MAGI2: variants seen among roughly 807,000 people sequenced by gnomAD.
The protein encoded by MAGI2 is membrane-associated guanylate kinase, WW and PDZ domain-containing protein 2.
A neutral mutation model predicts 133.3 loss-of-function variants in MAGI2; 35 were observed. The observed-to-expected ratio is 0.26, with a 90% CI of 0.20 to 0.35. The LOEUF (loss-of-function observed/expected upper bound fraction) is 0.35. MAGI2 is among the 10% of genes least tolerant of loss of function. The pLI, the probability that MAGI2 is intolerant of heterozygous loss-of-function variation, is 1.00. For synonymous variants in MAGI2, 729 were observed against 710.6 expected, an observed-to-expected ratio of 1.03 and a Z score of -0.41; for missense variants, 1,636 against 1,863.4, an observed-to-expected ratio of 0.88 and a Z score of 2.25.
At chr7:78,060,832 T>G (rs1261844665) in intron 21 of MAGI2, among the ~76,000 whole-genome samples, 1 of 151,944 alleles carries the variant, frequency 6.6e-6, no homozygotes, top group Non-Finnish European at 1.5e-5. Context: ...TGAGAGTGAA[T>G]AGCAGGATGG....
chr7:79,344,612 A>G (rs1414338486), intron 1 of MAGI2, among the ~76,000 whole-genome samples: 1 of 152,204 alleles, frequency 6.6e-6, no homozygotes, highest in African/African-American at 2.4e-5. Context: ...TTCAGAAGAC[A>G]GTGAGTACCT....
Position 78,125,899 on chromosome 7 carries a change from C to T in MAGI2, c.3424-62G>A, listed in dbSNP as rs532298011. ...TTAGTTATCAGAGAAGCTTCTGTGGCTAGTCTCTGTGTTCTCCTTCTGTCT... is the reference window on the plus strand; with the variant it reads ...TTAGTTATCAGAGAAGCTTCTGTGGTTAGTCTCTGTGTTCTCCTTCTGTCT... On this transcript the variant is annotated intron_variant, in intron 19 of 21. Transcript: ENST00000354212. 42 of 1,509,050 alleles carry T rather than the reference C, an allele frequency of 2.8e-5. No individual in the cohort carries two copies. The East Asian group carries it at 7.0e-4, about 25-fold the overall frequency. The allele number at this position is 1,509,050 out of a possible 1,614,324, so 93.5% of individuals were successfully genotyped here.
chr7:78,705,739 T>C (rs1818576725), intron 2 of MAGI2, among the ~76,000 whole-genome samples: 2 of 152,138 alleles, frequency 1.3e-5, no homozygotes, highest in Admixed American at 6.6e-5. Context: ...TAATTTTATA[T>C]TTTTCCTATG....
At chr7:78,734,909 G>T (rs147468102) in intron 2 of MAGI2, among the ~76,000 whole-genome samples, 6 of 152,268 alleles carry the variant, frequency 3.9e-5, no homozygotes, top group African/African-American at 1.4e-4. Context: ...ACACATATGA[G>T]AAACAAATGT....
At chr7:78,934,716 A>C (rs1800391557) in intron 2 of MAGI2, among the ~76,000 whole-genome samples, 1 of 152,128 alleles carries the variant, frequency 6.6e-6, no homozygotes. Context: ...AAGATATCTC[A>C]CTATGTGCAT....
intron 1 of MAGI2, among the ~76,000 whole-genome samples, chr7:79,238,673 A>G (rs1176116108): frequency 1.3e-5 from 2 of 152,170 alleles, no homozygotes; most frequent in Non-Finnish European, 2.9e-5. Flanking sequence ...GTCACTATTT[A>G]CAAAGTTTCT....
At chr7:78,742,615 TTGAA>T (rs1314319889) in intron 2 of MAGI2, among the ~76,000 whole-genome samples, 1 of 152,198 alleles carries the variant, frequency 6.6e-6, no homozygotes, top group Non-Finnish European at 1.5e-5. Flanking sequence ...TACTCAAAGC[TTGAA>T]TGAAGATGTA....
rs563849324 is a variant in MAGI2 at position 78,834,916 on chromosome 7, C to T, written c.418+172174G>A. 2.0e-5 allele frequency among the ~76,000 whole-genome samples: 3 copies of T among 152,254 alleles called. No homozygotes were observed. The South Asian group carries it at 6.2e-4, about 32-fold the overall frequency. On this transcript the variant is annotated intron_variant, in intron 2 of 21. Transcript: ENST00000354212. ...TTCACCGTGTGAGATGCCTGCTCCACTTCACCTTCTGGCATGCCTGAAAGC... is the reference window on the plus strand; with the variant it reads ...TTCACCGTGTGAGATGCCTGCTCCATTTCACCTTCTGGCATGCCTGAAAGC...
chr7:78,851,151 A>G (rs551959072), intron 2 of MAGI2, among the ~76,000 whole-genome samples: 1 of 152,206 alleles, frequency 6.6e-6, no homozygotes, highest in South Asian at 2.1e-4. Flanking sequence ...ATTGAGCAAA[A>G]CTAGAAATAA....
intron 2 of MAGI2, among the ~76,000 whole-genome samples, chr7:78,834,057 G>A (rs1791415136): frequency 6.6e-6 from 1 of 152,048 alleles, no homozygotes; most frequent in Non-Finnish European, 1.5e-5. Context: ...AGAGTGCAGT[G>A]GTGTAATCAT....
chr7:78,498,291 T>C (rs1372037999), intron 5 of MAGI2, among the ~76,000 whole-genome samples: 1 of 152,198 alleles, frequency 6.6e-6, no homozygotes, highest in African/African-American at 2.4e-5. Flanking sequence ...CTGAGACACA[T>C]GGTGGCTTTG....
chr7:78,579,433 T>C (rs545787746), intron 3 of MAGI2, among the ~76,000 whole-genome samples: 2 of 152,250 alleles, frequency 1.3e-5, no homozygotes, highest in South Asian at 2.1e-4. Flanking sequence ...GCCTTCCATT[T>C]ACCTAAAAGC....
intron 7 of MAGI2, among the ~76,000 whole-genome samples, chr7:78,352,180 C>G (rs539708713): frequency 6.6e-6 from 1 of 152,088 alleles, no homozygotes; most frequent in African/African-American, 2.4e-5. Context: ...TGACTAGACA[C>G]TATGGTTGAT....
At chr7:78,444,873 A>G (rs1196758900) in intron 6 of MAGI2, among the ~76,000 whole-genome samples, 1 of 147,732 alleles carries the variant, frequency 6.8e-6, no homozygotes, top group Admixed American at 6.8e-5. Flanking sequence ...ATATAAATTT[A>G]TATTTATATG....
chr7:79,138,441 T>G (rs1489719923), intron 1 of MAGI2, among the ~76,000 whole-genome samples: 1 of 152,216 alleles, frequency 6.6e-6, no homozygotes, highest in African/African-American at 2.4e-5. Context: ...GACCATTATT[T>G]TCATAAAATT....
chr7:78,827,165 C>T (rs1202289759), intron 2 of MAGI2, among the ~76,000 whole-genome samples: 1 of 152,094 alleles, frequency 6.6e-6, no homozygotes, highest in Admixed American at 6.5e-5. Context: ...CTTGCTGTCA[C>T]CTAGAAACAA....
intron 2 of MAGI2, among the ~76,000 whole-genome samples, chr7:78,724,066 G>T (rs1820528094): frequency 6.6e-6 from 1 of 152,138 alleles, no homozygotes; most frequent in African/African-American, 2.4e-5. Context: ...AATGAGTACT[G>T]CCAGGGAAGA....
At chr7:78,690,578 C>T (rs7796399) in intron 2 of MAGI2, among the ~76,000 whole-genome samples, 7,479 of 152,182 alleles carry the variant, frequency 0.049, 614 homozygotes, top group African/African-American at 0.17. Context: ...ATTGGGTGAA[C>T]TATATTTGTT....
At chr7:79,103,551 G>T (rs1358773563) in intron 1 of MAGI2, among the ~76,000 whole-genome samples, 1 of 152,122 alleles carries the variant, frequency 6.6e-6, no homozygotes, top group Admixed American at 6.6e-5. Flanking sequence ...GATACATATA[G>T]ATTTTAAGAA....
Sources: allele counts gnomAD v4.1 joint callset (sites outside exome capture counted in the v4.1 genomes callset), GRCh38; gene constraint gnomAD v4.1.1; transcripts MANE v1.5; gene names NCBI Gene and HGNC (gene_info 2026-07-23, HGNC 2026-07-21).